EHHADH: variants seen among roughly 807,000 people sequenced by gnomAD.
EHHADH encodes the protein peroxisomal bifunctional enzyme.
EHHADH carries 48 observed loss-of-function variants against 64.4 expected under a neutral mutation model. That is an observed-to-expected ratio of 0.75 (90% CI 0.59 to 0.95). EHHADH has a LOEUF of 0.95. EHHADH is among the 40% of genes least tolerant of loss of function. The pLI is 0.00. For missense variants in EHHADH, 854 were observed against 876.6 expected (o/e 0.97, Z 0.33); for synonymous variants, 308 against 326.7 (o/e 0.94, Z 0.62).
intron 2 of EHHADH, among the ~76,000 whole-genome samples, chr3:185,238,328 C>A (rs1719355202): frequency 6.6e-6 from 1 of 152,160 alleles, no homozygotes; most frequent in Non-Finnish European, 1.5e-5. Context: ...TTTGAGAAAT[C>A]TCCATACTGT....
In EHHADH at chr3:185,216,762, T is replaced by C. The variant is rs949064262; in HGVS notation, c.568+1374A>G. ...TCAAAAGAATGCCTTTGAATGACACTGGGCCATTGCCTGCCACCAAGCGGG... is the reference window on the plus strand; with the variant it reads ...TCAAAAGAATGCCTTTGAATGACACCGGGCCATTGCCTGCCACCAAGCGGG... On this transcript the variant is annotated intron_variant, in intron 5 of 6. Coordinates refer to ENST00000231887, the MANE Select transcript of EHHADH (RefSeq NM_001966.4). This position sits in a 1 kb window ranked among gnomAD's most constrained non-coding sequence, Gnocchi z 5.3. Among the ~76,000 whole-genome samples the C allele has an allele frequency of 9.2e-5, 14 of 152,222 alleles. No individual in the cohort carries two copies. Among genetic ancestry groups the C allele is most frequent in the Admixed American group, 6.5e-4 (10 of 15,286 alleles).
intron 2 of EHHADH, among the ~76,000 whole-genome samples, chr3:185,240,798 T>C (rs901167962): frequency 1.3e-5 from 2 of 152,138 alleles, no homozygotes; most frequent in Admixed American, 1.3e-4. Context: ...ATATTTCTTT[T>C]TTCTGTTTTT....
At chr3:185,242,856 C>T (rs1383226331) in intron 2 of EHHADH, among the ~76,000 whole-genome samples, 3 of 152,226 alleles carry the variant, frequency 2.0e-5, no homozygotes, top group Non-Finnish European at 2.9e-5. Flanking sequence ...CAGATTCCCA[C>T]CCTCCCCCGA....
intron 6 of EHHADH, among the ~76,000 whole-genome samples, chr3:185,200,610 G>T (rs539272226): frequency 6.6e-5 from 10 of 152,302 alleles, no homozygotes; most frequent in African/African-American, 2.4e-4. Flanking sequence ...ACAGGGGCAA[G>T]GAGTCCTGCT....
chr3:185,248,462 T>C lies in EHHADH; in HGVS notation c.130A>G (p.Thr44Ala). ...CCACAAATCACAATGGCTTTTATTG[T>C]ATGGTCTATTACAGCTTTCTGTAGT... is the stretch of plus-strand genomic sequence containing the variant. The part of the protein sequence containing the change: ...EGLQKAVIDH[T>A]IKAIVICGAE... The change falls in exon 2 of 7, where the codon ACA (threonine) becomes GCA (alanine). Residue 44 changes from threonine to alanine, a missense_variant. Transcript: ENST00000231887. The C allele has an allele frequency of 1.2e-6, 2 of 1,614,146 alleles. No individual in the cohort carries two copies. The highest frequency in any genetic ancestry group is 1.7e-6 in the Non-Finnish European group (2 of 1,179,996).
At chr3:185,227,802 G>T (rs1254918969) in intron 4 of EHHADH, among the ~76,000 whole-genome samples, 2 of 152,036 alleles carry the variant, frequency 1.3e-5, no homozygotes, top group African/African-American at 4.8e-5. Context: ...CTCCAGCCTG[G>T]GCAACTAGAG....
At chr3:185,193,890 C>T (rs1373514753) in intron 6 of EHHADH, among the ~76,000 whole-genome samples, 3 of 152,046 alleles carry the variant, frequency 2.0e-5, no homozygotes, top group Admixed American at 6.6e-5. Context: ...GATTTGTACA[C>T]TAAAAAGTAC....
chr3:185,218,160 T>C lies in EHHADH; in HGVS notation c.544A>G (p.Ile182Val). 3 of 1,607,610 alleles carry C rather than the reference T, an allele frequency of 1.9e-6. No homozygotes were observed. The highest frequency in any genetic ancestry group is 2.5e-6 in the Non-Finnish European group (3 of 1,177,492). The change falls in exon 5 of 7, where the codon ATC becomes GTC. Residue 182 changes from isoleucine to valine, a missense_variant. By Grantham distance (29) the Ile-to-Val change is conservative. Transcript: ENST00000231887. The part of the protein sequence containing the change: ...VVNSDPVEEA[I>V]RFAQRVSDQP... ...CCTGAAACTCTCTGAGCAAATCTGA[T>C]TGCTTCTTCAACCGGGTCTGAGTTT...
intron 2 of EHHADH, chr3:185,246,045 C>T (rs1269777949): frequency 3.1e-6 from 4 of 1,294,368 alleles, no homozygotes; most frequent in Non-Finnish European, 4.5e-6. Context: ...TCATCCTCAT[C>T]TGGGAACTTG....
intron 6 of EHHADH, among the ~76,000 whole-genome samples, chr3:185,197,901 A>T (rs1301354189): frequency 6.6e-6 from 1 of 151,806 alleles, no homozygotes; most frequent in Non-Finnish European, 1.5e-5. Flanking sequence ...GGTTCAAGCG[A>T]TTCTCCTGCC....
chr3:185,241,245 G>T (rs1359317758), intron 2 of EHHADH, among the ~76,000 whole-genome samples: 1 of 152,156 alleles, frequency 6.6e-6, no homozygotes, highest in Non-Finnish European at 1.5e-5. Flanking sequence ...TTTTGCAACT[G>T]CAAATTGTGT....
intron 4 of EHHADH, among the ~76,000 whole-genome samples, chr3:185,226,650 CA>C (rs59522852): frequency 1.4e-4 from 19 of 133,236 alleles, no homozygotes; most frequent in Admixed American, 1.6e-4. Context: ...ACTCCATCTC[CA>C]AAAAAAAAAA....
intron 4 of EHHADH, among the ~76,000 whole-genome samples, chr3:185,227,500 C>G (rs1236955010): frequency 6.6e-6 from 1 of 150,588 alleles, no homozygotes; most frequent in Admixed American, 6.7e-5. Flanking sequence ...GCATTGCATC[C>G]CCGTCTGGGC....
rs1062552 is a variant in EHHADH, at chr3:185,248,470, A to T, written c.122T>A (p.Ile41Lys). The stretch of plus-strand genomic sequence containing the variant: ...CACAATGGCTTTTATTGTATGGTCT[A>T]TTACAGCTTTCTGTAGTCCTTCTTT... ...DIKEGLQKAV[I>K]DHTIKAIVIC... The change falls in exon 2 of 7, where the codon ATA (isoleucine) becomes AAA (lysine). Residue 41 changes from isoleucine (I) to lysine (K), a missense_variant. Coordinates refer to ENST00000231887, the MANE Select transcript of EHHADH (RefSeq NM_001966.4). 1 of 1,614,068 alleles carries T rather than the reference A, an allele frequency of 6.2e-7. No homozygotes were observed. The highest frequency in any genetic ancestry group is 8.5e-7 in the Non-Finnish European group (1 of 1,179,960).
chr3:185,252,736 C>A (rs187259385), intron 1 of EHHADH, among the ~76,000 whole-genome samples: 11 of 152,188 alleles, frequency 7.2e-5, no homozygotes, highest in African/African-American at 2.4e-4. Flanking sequence ...AAATCAAATC[C>A]AATGACAGTA....
At chr3:185,243,640 T>G (rs1719515233) in intron 2 of EHHADH, among the ~76,000 whole-genome samples, 1 of 152,206 alleles carries the variant, frequency 6.6e-6, no homozygotes, top group Non-Finnish European at 1.5e-5. Flanking sequence ...TTTGTAGAGT[T>G]TTGAGAGTTC....
At chr3:185,195,554 G>C (rs556486620) in intron 6 of EHHADH, among the ~76,000 whole-genome samples, 2 of 152,264 alleles carry the variant, frequency 1.3e-5, no homozygotes, top group African/African-American at 4.8e-5. Context: ...GCTTGTACAT[G>C]AATGTTCAGT....
chr3:185,251,606 ATATGTGTGTGTG>A (rs1463674955), intron 1 of EHHADH, among the ~76,000 whole-genome samples: 2 of 71,778 alleles, frequency 2.8e-5, no homozygotes, highest in Non-Finnish European at 5.9e-5. Context: ...GAAAAAATTT[ATATGTGTGTGTG>A]TGTGTGTGTG....
intron 3 of EHHADH, among the ~76,000 whole-genome samples, chr3:185,231,801 TG>T (rs947058020): frequency 2.6e-5 from 4 of 152,220 alleles, no homozygotes; most frequent in Non-Finnish European, 4.4e-5. Flanking sequence ...CAGAAGGTGA[TG>T]GAGGATTACT....
Sources: allele counts gnomAD v4.1 joint callset (sites outside exome capture counted in the v4.1 genomes callset), GRCh38; gene constraint gnomAD v4.1.1; non-coding constraint Gnocchi (gnomAD v3.1); transcripts MANE v1.5; gene names NCBI Gene and HGNC (gene_info 2026-07-23, HGNC 2026-07-21).